MARCHF1: variants seen among roughly 807,000 people sequenced by gnomAD.
The protein encoded by MARCHF1 is membrane associated ring-CH-type finger 1.
MARCHF1 carries 40 observed loss-of-function variants against 54.2 expected under a neutral mutation model. That is an observed-to-expected ratio of 0.74 (90% confidence interval 0.57 to 0.96). The LOEUF (loss-of-function observed/expected upper bound fraction) is 0.96, where lower values mean the gene tolerates loss of function less well. MARCHF1 is among the 40% of genes least tolerant of loss of function. MARCHF1 has a pLI of 0.00. For synonymous variants in MARCHF1, 236 were observed against 236.3 expected, an observed-to-expected ratio of 1.00 and a Z score of 0.01; for missense variants, 586 against 656.5, an observed-to-expected ratio of 0.89 and a Z score of 1.17.
At chr4:164,379,169 A>G (rs950507839) in intron 1 of MARCHF1, among the ~76,000 whole-genome samples, 1 of 152,230 alleles carries the variant, frequency 6.6e-6, no homozygotes, top group Non-Finnish European at 1.5e-5. Flanking sequence ...GAGAAAACAG[A>G]TAAATTGGAA....
intron 5 of MARCHF1, among the ~76,000 whole-genome samples, chr4:163,680,389 CT>C (rs937228523): frequency 6.6e-6 from 1 of 152,202 alleles, no homozygotes; most frequent in Non-Finnish European, 1.5e-5. Flanking sequence ...TTCCTTGTGT[CT>C]TTTAAAAACA....
intron 1 of MARCHF1, among the ~76,000 whole-genome samples, chr4:164,335,213 C>A (rs1028122377): frequency 2.2e-4 from 34 of 152,094 alleles, no homozygotes; most frequent in South Asian, 2.1e-4. Flanking sequence ...TAAAAGCTAT[C>A]AAAAAGCAAC....
intron 1 of MARCHF1, among the ~76,000 whole-genome samples, chr4:164,256,141 A>G (rs374708223): frequency 6.6e-6 from 1 of 152,078 alleles, no homozygotes; most frequent in African/African-American, 2.4e-5. Flanking sequence ...AAATAAAAAT[A>G]AAAGAAAAAT....
chr4:164,067,577 TA>T (rs921043813), intron 2 of MARCHF1, among the ~76,000 whole-genome samples: 1 of 152,140 alleles, frequency 6.6e-6, no homozygotes, highest in African/African-American at 2.4e-5. Flanking sequence ...ATATAAAAAT[TA>T]ACTCAAATGG....
intron 2 of MARCHF1, among the ~76,000 whole-genome samples, chr4:164,023,992 A>T (rs1753718594): frequency 2.6e-5 from 4 of 152,222 alleles, no homozygotes; most frequent in Admixed American, 2.0e-4. Context: ...AGAATCTCAT[A>T]GCTTAAAAAT....
intron 3 of MARCHF1, among the ~76,000 whole-genome samples, chr4:163,908,815 G>T (rs1751127089): frequency 6.6e-6 from 1 of 152,064 alleles, no homozygotes; most frequent in African/African-American, 2.4e-5. Flanking sequence ...CTGGATCACT[G>T]TCCAGAAATG....
intron 3 of MARCHF1, among the ~76,000 whole-genome samples, chr4:163,904,761 GAA>G (rs1491262286): frequency 3.9e-5 from 1 of 25,890 alleles, no homozygotes; most frequent in African/African-American, 6.6e-5. Flanking sequence ...CCAGGAGAGA[GAA>G]AGAGACAGAG....
chr4:163,601,173 G>A (rs948058949), intron 7 of MARCHF1, among the ~76,000 whole-genome samples: 1 of 152,142 alleles, frequency 6.6e-6, no homozygotes, highest in African/African-American at 2.4e-5. Flanking sequence ...TTATAGGGAA[G>A]ATGAGAACCT....
intron 1 of MARCHF1, among the ~76,000 whole-genome samples, chr4:164,145,068 C>A (rs1167478726): frequency 6.9e-6 from 1 of 144,560 alleles, no homozygotes; most frequent in East Asian, 2.0e-4. Context: ...ACTAGAAAAT[C>A]TAGAAGAAAT....
chr4:164,046,122 G>A (rs996923814), intron 2 of MARCHF1, among the ~76,000 whole-genome samples: 4 of 152,344 alleles, frequency 2.6e-5, no homozygotes, highest in Non-Finnish European at 5.9e-5. Context: ...ACAGGTGACA[G>A]CTGTGCATGC....
At chr4:163,922,182 G>T (rs564576369) in intron 3 of MARCHF1, among the ~76,000 whole-genome samples, 2 of 150,526 alleles carry the variant, frequency 1.3e-5, no homozygotes, top group African/African-American at 4.9e-5. Context: ...ACATGGATGC[G>T]GGGGGGAGCA....
intron 3 of MARCHF1, among the ~76,000 whole-genome samples, chr4:163,963,927 G>A (rs1752389867): frequency 6.6e-6 from 1 of 151,926 alleles, no homozygotes; most frequent in Admixed American, 6.6e-5. Flanking sequence ...GCAACAGTAA[G>A]AGACCTTATG....
At chr4:164,108,353 AT>A (rs1755753890) in intron 2 of MARCHF1, among the ~76,000 whole-genome samples, 1 of 152,072 alleles carries the variant, frequency 6.6e-6, no homozygotes, top group South Asian at 2.1e-4. Context: ...TTTTACCTGT[AT>A]TTTGTGTTCA....
At chr4:163,620,164 A>G (rs1741634340) in intron 5 of MARCHF1, among the ~76,000 whole-genome samples, 1 of 152,192 alleles carries the variant, frequency 6.6e-6, no homozygotes, top group African/African-American at 2.4e-5. Flanking sequence ...CTGTGTAAAA[A>G]GATGATCAAT....
intron 4 of MARCHF1, among the ~76,000 whole-genome samples, chr4:163,713,240 ATTTAATCT>A (rs368420138): frequency 4.1e-4 from 63 of 152,296 alleles, no homozygotes; most frequent in Admixed American, 1.8e-3. Context: ...GAAACATCAA[ATTTAATCT>A]TTTTACATAC....
chr4:163,847,866 C>A (rs1749531640), intron 4 of MARCHF1, among the ~76,000 whole-genome samples: 1 of 152,150 alleles, frequency 6.6e-6, no homozygotes, highest in African/African-American at 2.4e-5. Context: ...CAGGCATGAG[C>A]CACTGCACCC....
At chr4:163,535,215 A>C (rs1003711595) in intron 9 of MARCHF1, among the ~76,000 whole-genome samples, 1 of 152,074 alleles carries the variant, frequency 6.6e-6, no homozygotes, top group Admixed American at 6.6e-5. Context: ...TGAGGGGGGT[A>C]TATAAAAGAA....
intron 4 of MARCHF1, among the ~76,000 whole-genome samples, chr4:163,762,602 C>T (rs745698942): frequency 3.9e-5 from 6 of 151,936 alleles, no homozygotes; most frequent in Non-Finnish European, 1.5e-5. Flanking sequence ...GAAGAAATTG[C>T]ATCTTTAGCA....
chr4:164,273,089 G>C (rs1733783015), intron 1 of MARCHF1, among the ~76,000 whole-genome samples: 1 of 151,084 alleles, frequency 6.6e-6, no homozygotes, highest in South Asian at 2.1e-4. Context: ...TTATATAGTA[G>C]GTGTATTTGT....
Sources: gnomAD v4.1 joint callset for allele counts (sites outside exome capture counted in the v4.1 genomes callset) on GRCh38, gnomAD v4.1.1 for gene constraint, MANE v1.5 for transcripts, NCBI Gene and HGNC (gene_info 2026-07-23, HGNC 2026-07-21) for gene names.